KCNQ1: variants seen among roughly 807,000 people sequenced by gnomAD.
The protein encoded by KCNQ1 is potassium voltage-gated channel subfamily Q member 1.
A neutral mutation model predicts 72.4 loss-of-function variants in KCNQ1; 49 were observed. That is an observed-to-expected ratio of 0.68 (90% CI 0.54 to 0.86). The LOEUF is 0.86. Among genes scored for constraint, KCNQ1 ranks in the 40% least tolerant of loss-of-function variants. The probability of loss-of-function intolerance (pLI) is 0.00; values close to 1 mark genes in which losing one functional copy is unlikely to be tolerated. For synonymous variants in KCNQ1, 450 were observed against 412.6 expected, an observed-to-expected ratio of 1.09 and a Z score of -1.10; for missense variants, 790 against 945.1, an observed-to-expected ratio of 0.84 and a Z score of 2.15.
intron 15 of KCNQ1, among the ~76,000 whole-genome samples, chr11:2,845,943 A>T (rs1309033880): frequency 6.6e-6 from 1 of 152,112 alleles, no homozygotes; most frequent in Non-Finnish European, 1.5e-5. Flanking sequence ...TGACGACCAC[A>T]GCACCCAGCC....
At position 2,445,453 on chromosome 11, in the gene KCNQ1, G is replaced by A. The variant is rs1325525794; in HGVS notation, c.355G>A (p.Gly119Ser). 1.3e-6 allele frequency: 2 copies of A among 1,597,006 alleles called. No individual in the cohort carries two copies. The highest frequency in any genetic ancestry group is 1.7e-6 in the Non-Finnish European group (2 of 1,179,478). The part of the protein sequence containing the change: ...RVYNFLERPT[G>S]WKCFVYHFAV... Reference sequence around the variant, plus strand: ...CTACAACTTCCTCGAGCGTCCCACCGGCTGGAAATGCTTCGTTTACCACTT... The same window carrying A: ...CTACAACTTCCTCGAGCGTCCCACCAGCTGGAAATGCTTCGTTTACCACTT... The change falls in exon 1 of 16, where the codon GGC (glycine) becomes AGC (serine). Residue 119 changes from glycine (G) to serine (S), a missense_variant. Coordinates refer to ENST00000155840, the MANE Select transcript of KCNQ1 (RefSeq NM_000218.3).
chr11:2,789,048 T>C (rs549371496), intron 15 of KCNQ1, among the ~76,000 whole-genome samples: 1 of 152,172 alleles, frequency 6.6e-6, no homozygotes, highest in Non-Finnish European at 1.5e-5. Flanking sequence ...CGAGGCCCCG[T>C]ACCCTCCCCC....
At position 2,610,716 on chromosome 11, in the gene KCNQ1, C is replaced by CTTTTTTT. The variant is rs1167505141; in HGVS notation, c.1393+21885_1393+21891dup. The CTTTTTTT allele has an allele frequency of 3.7e-4, 84 of 230,060 alleles. 3 individuals are homozygous for CTTTTTTT. The highest frequency in any genetic ancestry group is 2.3e-3 in the East Asian group (38 of 16,540). 14.3% of individuals were successfully genotyped at this position (230,060 alleles called of 1,614,324 possible). On this transcript the variant is annotated intron_variant, in intron 10 of 15. Transcript: ENST00000155840. ...TTCTGGACACAGTATTCTTGGTTGG[C>CTTTTTTT]TTTTTTTTTTTTTTTTTTTTTTTTT...
Position 2,559,761 on chromosome 11 carries a change from A to G in KCNQ1, c.478-10867A>G, listed in dbSNP as rs1028491928. 2.6e-5 allele frequency among the ~76,000 whole-genome samples: 4 copies of G among 152,096 alleles called. No homozygotes were observed. Among genetic ancestry groups the G allele is most frequent in the Admixed American group, 1.3e-4 (2 of 15,268 alleles). ...GCACACAGAGCAGCTGGCCGATTGC[A>G]GCTCTGAAGGTCAGAGATGGCCGCC... On this transcript the variant is annotated intron_variant, in intron 2 of 15. Coordinates refer to ENST00000155840, the MANE Select transcript of KCNQ1 (RefSeq NM_000218.3). The surrounding 1 kb of genome is among the most constrained non-coding windows in gnomAD (Gnocchi z 4.9).
Position 2,830,021 on chromosome 11 carries a change from A to G in KCNQ1, c.1795-17746A>G, listed in dbSNP as rs1303248842. 2.2e-4 allele frequency among the ~76,000 whole-genome samples: 20 copies of G among 90,702 alleles called. No individual in the cohort carries two copies. The highest frequency in any genetic ancestry group is 7.1e-4 in the African/African-American group (18 of 25,426). The allele number at this position is 90,702 out of a possible 152,430, so 59.5% of individuals were successfully genotyped here. A position where few individuals can be genotyped will look rare whatever the true frequency, so the allele number is the denominator to read the frequency against. The stretch of plus-strand genomic sequence containing the variant: ...GAGGGAGGAGGAAGGAGGAGGAAGG[A>G]GGAGGAAGGAGGAGGGAGGAGGAAG... On this transcript the variant is annotated intron_variant, in intron 15 of 15. Transcript: ENST00000155840. The surrounding 1 kb of genome is among the most constrained non-coding windows in gnomAD (Gnocchi z 7.7).
chr11:2,659,717 AC>A lies in KCNQ1; in HGVS notation c.1394-2243del. 5.0e-6 allele frequency: 2 copies of A among 398,540 alleles called. No homozygotes were observed. The highest frequency in any genetic ancestry group is 8.8e-6 in the Non-Finnish European group (2 of 226,020). The allele number at this position is 398,540 out of a possible 1,614,324, so 24.7% of individuals were successfully genotyped here. A position where few individuals can be genotyped will look rare whatever the true frequency, so the allele number is the denominator to read the frequency against. On this transcript the variant is annotated intron_variant, in intron 10 of 15. Coordinates refer to ENST00000155840, the MANE Select transcript of KCNQ1 (RefSeq NM_000218.3). The surrounding 1 kb of genome is among the most constrained non-coding windows in gnomAD (Gnocchi z 4.3). ...GTGCCATTTTGCATTCCCACCAGTA[AC>A]ATATGAGAGTTCTACATGTTCCACA...
intron 8 of KCNQ1, 36 bp from the exon 9 acceptor site, chr11:2,587,534 C>T (rs1443699905): frequency 1.9e-6 from 3 of 1,612,954 alleles, no homozygotes; most frequent in South Asian, 1.1e-5. Context: ...CCGGGTGGCT[C>T]AGCAGGTGAC....
chr11:2,603,813 C>T lies in KCNQ1; in HGVS notation c.1393+14959C>T, dbSNP rs1360410667. 6.6e-6 allele frequency among the ~76,000 whole-genome samples: 1 copy of T among 152,054 alleles called. No homozygotes were observed. The highest frequency in any genetic ancestry group is 2.4e-5 in the African/African-American group (1 of 41,402). On this transcript the variant is annotated intron_variant, in intron 10 of 15. Coordinates refer to ENST00000155840, the MANE Select transcript of KCNQ1 (RefSeq NM_000218.3). This position sits in a 1 kb window ranked among gnomAD's most constrained non-coding sequence, Gnocchi z 4.1. ...TCAAGCAATTCACCCGCCTCAGCCT[C>T]CCAAGTAGGTGGGATTACGGGCACG...
chr11:2,583,257 CAT>C (rs943470896), intron 6 of KCNQ1, among the ~76,000 whole-genome samples, 176 bp from the exon 7 acceptor site: 3 of 152,190 alleles, frequency 2.0e-5, no homozygotes, highest in Admixed American at 6.5e-5. Context: ...GCCTGGGAGA[CAT>C]GTGCCATCCC....
At chr11:2,487,629 ATAAAT>A (rs1846763028) in intron 1 of KCNQ1, among the ~76,000 whole-genome samples, 1 of 152,120 alleles carries the variant, frequency 6.6e-6, no homozygotes, top group South Asian at 2.1e-4. Context: ...TGATGCTATT[ATAAAT>A]TAAATTGTTT....
chr11:2,812,472 C>T (rs767510921), intron 15 of KCNQ1, among the ~76,000 whole-genome samples: 2 of 152,194 alleles, frequency 1.3e-5, no homozygotes, highest in Admixed American at 1.3e-4. Context: ...GCTCTGTGGC[C>T]CCTGATCTTC....
rs768236090 is a variant in KCNQ1 at position 2,828,196 on chromosome 11, A to G, written c.1795-19571A>G. 3.3e-5 allele frequency among the ~76,000 whole-genome samples: 5 copies of G among 152,228 alleles called. No individual in the cohort carries two copies. Among genetic ancestry groups the G allele is most frequent in the Non-Finnish European group, 7.3e-5 (5 of 68,040 alleles). On this transcript the variant is annotated intron_variant, in intron 15 of 15. Transcript: ENST00000155840. This position sits in a 1 kb window ranked among gnomAD's most constrained non-coding sequence, Gnocchi z 5.3. The stretch of plus-strand genomic sequence containing the variant: ...TGGAGGACCTCAGCAGGCAGGGACT[A>G]GCACCCAAGAAGAAAACTCTGAGAA...
intron 15 of KCNQ1, among the ~76,000 whole-genome samples, chr11:2,792,865 C>A (rs2134011133): frequency 6.6e-6 from 1 of 152,320 alleles, no homozygotes; most frequent in Non-Finnish European, 1.5e-5. Context: ...ACAGCGGGGC[C>A]AGCACGCAGC....
In KCNQ1 at chr11:2,826,466, G is replaced by A. The variant is rs529655876; in HGVS notation, c.1795-21301G>A. 2.6e-5 allele frequency among the ~76,000 whole-genome samples: 4 copies of A among 152,362 alleles called. No homozygotes were observed. In the South Asian group the frequency reaches 8.3e-4, roughly 32 times the overall value. ...CGTGCGGTTCCGCGCAGACAGTCAC[G>A]GAAACTCAGGCAGACCCGGCGTTGG... On this transcript the variant is annotated intron_variant, in intron 15 of 15. Coordinates refer to ENST00000155840, the MANE Select transcript of KCNQ1 (RefSeq NM_000218.3). The surrounding 1 kb of genome is among the most constrained non-coding windows in gnomAD (Gnocchi z 4.2).
intron 11 of KCNQ1, among the ~76,000 whole-genome samples, chr11:2,765,310 T>C (rs1846477199): frequency 6.6e-6 from 1 of 152,234 alleles, no homozygotes; most frequent in Non-Finnish European, 1.5e-5. Flanking sequence ...TCCCTAGTTA[T>C]CTCTTTTTAT....
At chr11:2,635,304 T>C (rs1849444681) in intron 10 of KCNQ1, 1 of 152,248 alleles carries the variant, frequency 6.6e-6, no homozygotes, top group Non-Finnish European at 1.5e-5. Context: ...CTAGGGTTTT[T>C]ACGGTTTTAG....
At chr11:2,708,697 A>G (rs1382442044) in intron 11 of KCNQ1, among the ~76,000 whole-genome samples, 1 of 152,030 alleles carries the variant, frequency 6.6e-6, no homozygotes, top group Non-Finnish European at 1.5e-5. Context: ...GGCAGAAGAT[A>G]CAGTTTATAC....
chr11:2,603,078 A>G lies in KCNQ1; in HGVS notation c.1393+14224A>G, dbSNP rs1848829954. Among the ~76,000 whole-genome samples the G allele has an allele frequency of 6.6e-6, 1 of 152,200 alleles. No homozygotes were observed. Among genetic ancestry groups the G allele is most frequent in the African/African-American group, 2.4e-5 (1 of 41,442 alleles). ...ACAATTCACCCATTTAAAGAATATA[A>G]TTGAATGGTTTTTAGTATAGGCATA... On this transcript the variant is annotated intron_variant, in intron 10 of 15. Transcript: ENST00000155840. The surrounding 1 kb of genome is among the most constrained non-coding windows in gnomAD (Gnocchi z 4.1).
intron 2 of KCNQ1, among the ~76,000 whole-genome samples, chr11:2,545,672 T>C (rs747789838): frequency 6.6e-6 from 1 of 152,148 alleles, no homozygotes; most frequent in Non-Finnish European, 1.5e-5. Flanking sequence ...TAATTCTATT[T>C]AGGTGATTGA....
Sources: allele counts gnomAD v4.1 joint callset (sites outside exome capture counted in the v4.1 genomes callset), GRCh38; gene constraint gnomAD v4.1.1; non-coding constraint Gnocchi (gnomAD v3.1); transcripts MANE v1.5; gene names NCBI Gene and HGNC (gene_info 2026-07-23, HGNC 2026-07-21).